The following PIKFYVE variants were observed in gnomAD, a reference collection of about 807,000 sequenced individuals.
The protein encoded by PIKFYVE is phosphoinositide kinase, FYVE-type zinc finger containing.
In PIKFYVE, 122 loss-of-function variants were observed where a neutral mutation model predicts 257.9. That is an observed-to-expected ratio of 0.47 (90% CI 0.41 to 0.55). The LOEUF is 0.55. Among genes scored for constraint, PIKFYVE ranks in the 20% least tolerant of loss-of-function variants. The pLI is 0.00. For synonymous variants in PIKFYVE, 892 were observed against 868.9 expected (o/e 1.03, Z -0.47); for missense variants, 2,160 against 2,536.6 (o/e 0.85, Z 3.19).
chr2:208,309,028 G>A (rs1694673383), intron 12 of PIKFYVE, among the ~76,000 whole-genome samples: 1 of 152,036 alleles, frequency 6.6e-6, no homozygotes, highest in Admixed American at 6.6e-5. Flanking sequence ...ATTAACACGT[G>A]GATTTGTAGC....
At chr2:208,300,689 C>T (rs772639858) in intron 8 of PIKFYVE, among the ~76,000 whole-genome samples, 1 of 151,948 alleles carries the variant, frequency 6.6e-6, no homozygotes, top group African/African-American at 2.4e-5. Flanking sequence ...ATAATATGTG[C>T]CATTGACTGA....
intron 19 of PIKFYVE, 67 bp downstream of exon 19, chr2:208,325,104 T>C: frequency 6.2e-7 from 1 of 1,605,154 alleles, no homozygotes; most frequent in Non-Finnish European, 8.5e-7. Flanking sequence ...CAATGTTTAC[T>C]TACTAGGAAA....
At chr2:208,299,986 C>T (rs2125312290) in intron 8 of PIKFYVE, among the ~76,000 whole-genome samples, 1 of 152,142 alleles carries the variant, frequency 6.6e-6, no homozygotes, top group South Asian at 2.1e-4. Flanking sequence ...TGTGAATAGC[C>T]ACTGCACTCC....
chr2:208,328,363 A>G, intron 21 of PIKFYVE, 83 bp downstream of exon 21: 1 of 1,542,622 alleles, frequency 6.5e-7, no homozygotes, highest in Non-Finnish European at 8.9e-7. Flanking sequence ...AAAAACAGTC[A>G]TTAGGACCTG....
rs773328510 is a variant in PIKFYVE, at chr2:208,328,267, T to A, written c.3706T>A (p.Cys1236Ser). The A allele has an allele frequency of 6.2e-7, 1 of 1,613,864 alleles. No individual in the cohort carries two copies. Among genetic ancestry groups the A allele is most frequent in the Non-Finnish European group, 8.5e-7 (1 of 1,179,840 alleles). Residue 1236 changes from cysteine to serine, a missense_variant, in exon 21 of 42, where the codon TGT becomes AGT. Around this residue, in one of 12 missense-constraint regions of PIKFYVE, gnomAD observed 522 missense variants for 514.6 expected, o/e 1.01. Coordinates refer to ENST00000264380, the MANE Select transcript of PIKFYVE (RefSeq NM_015040.4). ...CCAGTCCAGCAATGCTCCTAGTGCC[T>A]GTGTCAGTCCTTGGTAGGATTCTTT... Reference protein sequence around the residue: ...SAQSSNAPSACVSPWIVTMEF... With the variant: ...SAQSSNAPSASVSPWIVTMEF...
rs148337219 is a variant in PIKFYVE at position 208,304,984 on chromosome 2, A to C, written c.1607A>C (p.His536Pro). 75 of 1,613,996 alleles carry C rather than the reference A, an allele frequency of 4.6e-5. No individual in the cohort carries two copies. The highest frequency in any genetic ancestry group is 5.8e-5 in the Non-Finnish European group (68 of 1,180,012). ...FHIKKPSKYP[H>P]VPPHPADQKE... Reference sequence around the variant, plus strand: ...ATCAAGAAGCCCTCCAAGTACCCACATGTGCCCCCTCACCCTGCTGACCAA... The same window carrying C: ...ATCAAGAAGCCCTCCAAGTACCCACCTGTGCCCCCTCACCCTGCTGACCAA... Residue 536 changes from histidine (H) to proline (P), a missense_variant, in exon 12 of 42, where the codon CAT becomes CCT. Around this residue, in one of 12 missense-constraint regions of PIKFYVE, gnomAD observed 346 missense variants for 365.6 expected, o/e 0.95. Transcript: ENST00000264380.
Position 208,338,707 on chromosome 2 carries a change from A to ATCC in PIKFYVE, c.4672+141_4672+143dup, listed in dbSNP as rs1046744660. ...TTTTCCTTCCTGTAGAGCACTTGTA[A>ATCC]TCCTATCAGATTAAGATTATCATAT... On this transcript the variant is annotated intron_variant, in intron 29 of 41. Transcript: ENST00000264380. The ATCC allele has an allele frequency of 1.2e-4, 92 of 762,780 alleles. No homozygotes were observed. The African/African-American group carries it at 1.3e-3, about 11-fold the overall frequency. 47.3% of individuals were successfully genotyped at this position (762,780 alleles called of 1,614,324 possible).
At chr2:208,299,376 G>A (rs1260645930) in intron 8 of PIKFYVE, among the ~76,000 whole-genome samples, 2 of 151,670 alleles carry the variant, frequency 1.3e-5, no homozygotes, top group East Asian at 1.9e-4. Context: ...TGCAACCTCC[G>A]CCTCCCAGGT....
intron 23 of PIKFYVE, 107 bp downstream of exon 23, chr2:208,330,801 T>G (rs1348235920): frequency 1.1e-5 from 12 of 1,125,778 alleles, no homozygotes; most frequent in Non-Finnish European, 1.5e-5. Context: ...TCGTTATTTG[T>G]TATAGAGCTC....
intron 27 of PIKFYVE, 106 bp from the exon 28 acceptor site, chr2:208,336,732 T>C: frequency 1.4e-6 from 1 of 702,232 alleles, no homozygotes; most frequent in Non-Finnish European, 2.5e-6. Flanking sequence ...GTAATCCAAA[T>C]AGGAAAACTT....
Position 208,325,033 on chromosome 2 carries a change from T to A in PIKFYVE, c.2454T>A (p.Pro818=). Residue 818 remains proline, a synonymous_variant, in exon 19 of 42, where the codon CCT becomes CCA. Coordinates refer to ENST00000264380, the MANE Select transcript of PIKFYVE (RefSeq NM_015040.4). The part of the protein sequence containing the change: ...HKFYMQIFQL[P]NEQTKTLMFF... ...TTTATATGCAGATATTTCAGTTGCC[T>A]AATGGTGAGTGATCTTTAGCATAGA... 1 of 1,614,128 alleles carries A rather than the reference T, an allele frequency of 6.2e-7. No individual in the cohort carries two copies. Among genetic ancestry groups the A allele is most frequent in the Non-Finnish European group, 8.5e-7 (1 of 1,179,980 alleles).
At chr2:208,347,074 A>G (rs1699302268) in intron 34 of PIKFYVE, among the ~76,000 whole-genome samples, 1 of 152,138 alleles carries the variant, frequency 6.6e-6, no homozygotes, top group Non-Finnish European at 1.5e-5. Context: ...GGTGCTGTAC[A>G]CATAGTTACA....
intron 3 of PIKFYVE, 139 bp from the exon 4 acceptor site, chr2:208,276,573 A>G: frequency 2.6e-4 from 178 of 685,336 alleles, no homozygotes; most frequent in East Asian, 4.2e-4. Context: ...GACTTGTTTT[A>G]ACTCTCAATT....
At chr2:208,345,024 A>G (rs41305598) in intron 32 of PIKFYVE, 87 bp from the exon 33 acceptor site, 78 of 947,224 alleles carry the variant, frequency 8.2e-5, no homozygotes, top group Admixed American at 3.4e-4. Context: ...TTGTGCTTCT[A>G]TAATGCAAAA....
chr2:208,327,501 G>A (rs1559135662), intron 20 of PIKFYVE, among the ~76,000 whole-genome samples: 1 of 152,136 alleles, frequency 6.6e-6, no homozygotes, highest in Non-Finnish European at 1.5e-5. Context: ...TATTTGAAGT[G>A]TTAAAAAGCA....
At chr2:208,272,859 C>T (rs553792568) in intron 2 of PIKFYVE, among the ~76,000 whole-genome samples, 28 of 151,822 alleles carry the variant, frequency 1.8e-4, no homozygotes, top group Non-Finnish European at 4.0e-4. Flanking sequence ...ATAGAATTTC[C>T]GTATACTCCC....
At chr2:208,335,598 CTT>C (rs2125677717) in intron 25 of PIKFYVE, among the ~76,000 whole-genome samples, 179 bp downstream of exon 25, 1 of 152,262 alleles carries the variant, frequency 6.6e-6, no homozygotes, top group African/African-American at 2.4e-5. Context: ...AAGCCAAACT[CTT>C]TTAGACATAA....
chr2:208,336,596 G>A (rs149990864), intron 27 of PIKFYVE, among the ~76,000 whole-genome samples: 1 of 151,654 alleles, frequency 6.6e-6, no homozygotes, highest in Non-Finnish European at 1.5e-5. Flanking sequence ...TTATTTTTTA[G>A]AAGTATTTTT....
intron 21 of PIKFYVE, among the ~76,000 whole-genome samples, chr2:208,328,812 A>G (rs78762163): frequency 0.019 from 2,868 of 152,306 alleles, 82 homozygotes; most frequent in African/African-American, 0.065. Flanking sequence ...TTGTGGTACC[A>G]TATCAGGACT....
Sources: allele counts gnomAD v4.1 joint callset (sites outside exome capture counted in the v4.1 genomes callset), GRCh38; gene constraint gnomAD v4.1.1; regional missense constraint gnomAD v4.1.1; transcripts MANE v1.5; gene names NCBI Gene and HGNC (gene_info 2026-07-23, HGNC 2026-07-21).